Variants in RYR3 observed in about 807,000 individuals in gnomAD.
The protein encoded by RYR3 is brain ryanodine receptor-calcium release channel.
In RYR3, 207 loss-of-function variants were observed where a neutral mutation model predicts 584.3. The observed-to-expected ratio is 0.35, with a 90% CI of 0.32 to 0.40. The LOEUF (loss-of-function observed/expected upper bound fraction) is 0.40, where lower values mean the gene tolerates loss of function less well. Among genes scored for constraint, RYR3 ranks in the 10% least tolerant of loss-of-function variants. The probability of loss-of-function intolerance (pLI) is 1.00; values close to 1 mark genes in which losing one functional copy is unlikely to be tolerated. For missense variants in RYR3, 5,616 were observed against 6,089.2 expected (o/e 0.92, Z 2.59); for synonymous variants, 2,416 against 2,248.5 (o/e 1.07, Z -2.11).
intron 1 of RYR3, among the ~76,000 whole-genome samples, chr15:33,322,664 A>T (rs1047390893): frequency 6.6e-6 from 1 of 152,130 alleles, no homozygotes; most frequent in African/African-American, 2.4e-5. Flanking sequence ...ATTAGGCATG[A>T]TGGTACACAA....
intron 20 of RYR3, among the ~76,000 whole-genome samples, chr15:33,626,942 A>G (rs1424466675): frequency 6.6e-6 from 1 of 152,120 alleles, no homozygotes; most frequent in African/African-American, 2.4e-5. Flanking sequence ...AACTTCTACT[A>G]GGGTGGTGTG....
At position 33,800,698 on chromosome 15, in the gene RYR3, A is replaced by G. The variant is rs2075870574; in HGVS notation, c.9831-72A>G. ...ATAAATGTATGTCTCCAGTGCTGGTATAATTTTTAGAGTGTGAATATTTTA... is the reference window on the plus strand; with the variant it reads ...ATAAATGTATGTCTCCAGTGCTGGTGTAATTTTTAGAGTGTGAATATTTTA... On this transcript the variant is annotated intron_variant, in intron 67 of 103. Coordinates refer to ENST00000634891, the MANE Select transcript of RYR3 (RefSeq NM_001036.6). 6.1e-5 allele frequency: 66 copies of G among 1,081,564 alleles called. No individual in the cohort carries two copies. The South Asian group carries it at 8.4e-4, about 14-fold the overall frequency. The allele number at this position is 1,081,564 out of a possible 1,614,324, so 67.0% of individuals were successfully genotyped here.
intron 82 of RYR3, 86 bp downstream of exon 82, chr15:33,825,762 C>T (rs1422253989): frequency 6.3e-6 from 5 of 798,126 alleles, no homozygotes; most frequent in Admixed American, 3.0e-5. Flanking sequence ...TACAGAGTTT[C>T]GCTCTTGTTG....
chr15:33,653,030 AAAC>A (rs2062583651), intron 32 of RYR3, 147 bp downstream of exon 32: 2 of 692,678 alleles, frequency 2.9e-6, no homozygotes, highest in African/African-American at 1.8e-5. Flanking sequence ...GACAACAAAT[AAAC>A]AACAACAAAG....
At chr15:33,499,627 C>A (rs1408910988) in intron 2 of RYR3, among the ~76,000 whole-genome samples, 1 of 152,122 alleles carries the variant, frequency 6.6e-6, no homozygotes, top group East Asian at 1.9e-4. Context: ...CACATCAGAT[C>A]CTATTTTAAG....
Position 33,724,103 on chromosome 15 carries a change from A to G in RYR3, c.6839A>G (p.His2280Arg). ...GATGAAGAGGAAGAAGAAATCGTGC[A>G]TATGGGCAATGCAATTATGTCATTT... ...GDDEEEEEIV[H>R]MGNAIMSFYS... The change falls in exon 45 of 104, where the codon CAT becomes CGT. Residue 2280 changes from histidine to arginine, a missense_variant. Physicochemically the swap from His to Arg is conservative, Grantham distance 29 (BLOSUM62 0). Transcript: ENST00000634891. 1.2e-6 allele frequency: 2 copies of G among 1,613,058 alleles called. No individual in the cohort carries two copies. Among genetic ancestry groups the G allele is most frequent in the Non-Finnish European group, 1.7e-6 (2 of 1,179,110 alleles).
chr15:33,698,455 C>T (rs769390423), intron 40 of RYR3, among the ~76,000 whole-genome samples: 7 of 152,202 alleles, frequency 4.6e-5, no homozygotes, highest in Non-Finnish European at 8.8e-5. Flanking sequence ...TGCCAGCTCC[C>T]TCATAAGGAG....
At chr15:33,850,550 TTAGA>T (rs747379969) in intron 94 of RYR3, 5 of 150,256 alleles carry the variant, frequency 3.3e-5, no homozygotes, top group East Asian at 1.9e-4. Flanking sequence ...TTTTAAAATG[TTAGA>T]TAGACCAATG....
At chr15:33,436,298 C>G (rs1433379423) in intron 1 of RYR3, among the ~76,000 whole-genome samples, 1 of 152,042 alleles carries the variant, frequency 6.6e-6, no homozygotes, top group African/African-American at 2.4e-5. Flanking sequence ...CAAGGTTGAG[C>G]ATCTTTTTCA....
intron 12 of RYR3, among the ~76,000 whole-genome samples, chr15:33,574,255 A>G (rs570798919): frequency 2.9e-4 from 44 of 152,304 alleles, no homozygotes; most frequent in African/African-American, 1.0e-3. Flanking sequence ...ATTATTCTTG[A>G]CCACCCTCGG....
intron 4 of RYR3, among the ~76,000 whole-genome samples, chr15:33,532,428 T>C (rs928604099): frequency 2.0e-5 from 3 of 152,174 alleles, no homozygotes; most frequent in African/African-American, 7.2e-5. Flanking sequence ...CCCTCCACAC[T>C]ATCCAAAATC....
chr15:33,461,317 T>G (rs1409267036), intron 1 of RYR3, among the ~76,000 whole-genome samples: 4 of 151,900 alleles, frequency 2.6e-5, no homozygotes, highest in Non-Finnish European at 5.9e-5. Context: ...GGAGAATGAG[T>G]TGAGGAGAAT....
At chr15:33,661,993 C>T (rs1044886495) in intron 34 of RYR3, among the ~76,000 whole-genome samples, 160 bp from the exon 35 acceptor site, 1 of 152,228 alleles carries the variant, frequency 6.6e-6, no homozygotes, top group East Asian at 1.9e-4. Context: ...AACTGGAATA[C>T]GGACCAGAGC....
intron 43 of RYR3, among the ~76,000 whole-genome samples, chr15:33,713,311 T>C (rs932079130): frequency 3.3e-5 from 5 of 151,878 alleles, no homozygotes; most frequent in African/African-American, 9.7e-5. Context: ...GTGATGATGC[T>C]AGTGATAGTG....
Position 33,543,801 on chromosome 15 carries a change from A to G in RYR3, c.740+86A>G, listed in dbSNP as rs1330667185. ...GAGTTTACATTGTATTTAGCCATAT[A>G]TGAACTCTGTACATGTCAGTCCATT... is the stretch of plus-strand genomic sequence containing the variant. On this transcript the variant is annotated intron_variant, in intron 8 of 103. Transcript: ENST00000634891. The G allele has an allele frequency of 1.3e-5, 12 of 920,758 alleles. 1 individual carries two copies. The highest frequency in any genetic ancestry group is 4.0e-5 in the South Asian group (3 of 75,400). 57.0% of individuals were successfully genotyped at this position (920,758 alleles called of 1,614,324 possible). A position where few individuals can be genotyped will look rare whatever the true frequency, so the allele number is the denominator to read the frequency against.
intron 85 of RYR3, among the ~76,000 whole-genome samples, chr15:33,830,610 C>A (rs1262706155): frequency 1.5e-5 from 2 of 131,368 alleles, no homozygotes. Context: ...GTACTCAGAA[C>A]AACGTCTGGC....
intron 16 of RYR3, among the ~76,000 whole-genome samples, chr15:33,591,525 C>A (rs1320390821): frequency 6.6e-6 from 1 of 152,138 alleles, no homozygotes; most frequent in Non-Finnish European, 1.5e-5. Context: ...TAATAACACA[C>A]TATGTTAGTA....
At chr15:33,652,412 C>T (rs2062535536) in intron 31 of RYR3, among the ~76,000 whole-genome samples, 2 of 152,114 alleles carry the variant, frequency 1.3e-5, no homozygotes, top group African/African-American at 2.4e-5. Context: ...GGGATACTGC[C>T]GTTCCCATGA....
intron 57 of RYR3, among the ~76,000 whole-genome samples, chr15:33,751,390 G>C (rs2071289224): frequency 6.6e-6 from 1 of 152,020 alleles, no homozygotes; most frequent in African/African-American, 2.4e-5. Flanking sequence ...ATCCTCTCCA[G>C]CATCTGTTGT....
Sources: gnomAD v4.1 joint callset for allele counts (sites outside exome capture counted in the v4.1 genomes callset) on GRCh38, gnomAD v4.1.1 for gene constraint, MANE v1.5 for transcripts, NCBI Gene and HGNC (gene_info 2026-07-23, HGNC 2026-07-21) for gene names.